AOAH: variants seen among roughly 807,000 people sequenced by gnomAD.
The protein encoded by AOAH is acyloxyacyl hydrolase, also known as acyloxyacyl hydrolase (neutrophil).
AOAH carries 64 observed loss-of-function variants against 92.2 expected under a neutral mutation model. The ratio of observed to expected loss-of-function variants is 0.69; its 90% CI spans 0.57 to 0.86. AOAH has a LOEUF of 0.86. Ranked by LOEUF, AOAH falls within the 40% of genes least tolerant of loss-of-function variation. The pLI is 0.00. For synonymous variants in AOAH, 263 were observed against 254.5 expected (o/e 1.03, Z -0.32); for missense variants, 656 against 694.6 (o/e 0.94, Z 0.62).
chr7:36,717,551 G>A (rs894874010), intron 1 of AOAH, among the ~76,000 whole-genome samples: 6 of 151,986 alleles, frequency 3.9e-5, no homozygotes, highest in Non-Finnish European at 7.4e-5. Flanking sequence ...TAAACCAGCT[G>A]GTCTGTAGGG....
At chr7:36,699,115 T>C (rs1258232306) in intron 1 of AOAH, among the ~76,000 whole-genome samples, 1 of 152,106 alleles carries the variant, frequency 6.6e-6, no homozygotes, top group African/African-American at 2.4e-5. Flanking sequence ...GTTACATCCT[T>C]GTTGCTGCAA....
chr7:36,554,777 T>C (rs1307189816), intron 13 of AOAH, among the ~76,000 whole-genome samples: 1 of 151,158 alleles, frequency 6.6e-6, no homozygotes, highest in Non-Finnish European at 1.5e-5. Flanking sequence ...ATGATTTGGC[T>C]CTCTGTTTGT....
At chr7:36,629,225 AAC>A (rs1332914284) in intron 6 of AOAH, among the ~76,000 whole-genome samples, 12 of 152,350 alleles carry the variant, frequency 7.9e-5, no homozygotes, top group Admixed American at 3.9e-4. Context: ...AAAGAAGGAA[AAC>A]ACAGTTTTTG....
chr7:36,563,073 G>C (rs13233827), intron 13 of AOAH, among the ~76,000 whole-genome samples: 1 of 133,966 alleles, frequency 7.5e-6, no homozygotes, highest in Non-Finnish European at 1.5e-5. Flanking sequence ...CTTGAAACCA[G>C]AAGGCGGAGG....
At chr7:36,686,588 G>T in intron 2 of AOAH, 111 bp downstream of exon 2, 1 of 542,776 alleles carries the variant, frequency 1.8e-6, no homozygotes, top group Non-Finnish European at 3.0e-6. Context: ...CACAGAAATA[G>T]CATAATCAGA....
intron 11 of AOAH, among the ~76,000 whole-genome samples, chr7:36,611,796 A>G (rs1791477210): frequency 6.6e-6 from 1 of 152,140 alleles, no homozygotes; most frequent in Non-Finnish European, 1.5e-5. Flanking sequence ...AATTCAACAT[A>G]CTGGTCCGCA....
At chr7:36,527,600 C>T (rs3823759) in intron 19 of AOAH, among the ~76,000 whole-genome samples, 9,919 of 152,042 alleles carry the variant, frequency 0.065, 494 homozygotes, top group East Asian at 0.18. Flanking sequence ...TGGCGGGGGA[C>T]GGCCACTAAC....
chr7:36,640,826 A>G (rs12539344), intron 4 of AOAH, among the ~76,000 whole-genome samples: 25,919 of 152,204 alleles, frequency 0.17, 2,411 homozygotes, highest in African/African-American at 0.22. Context: ...ACCCAAGGCT[A>G]GAGAAGGACC....
At chr7:36,649,636 A>G (rs6972638) in intron 4 of AOAH, among the ~76,000 whole-genome samples, 20,291 of 152,266 alleles carry the variant, frequency 0.13, 1,733 homozygotes, top group Middle Eastern at 0.19. Context: ...CTAGCCGGCA[A>G]TGGATACCCT....
chr7:36,632,250 T>C, intron 5 of AOAH, 144 bp from the exon 6 acceptor site: 1 of 683,982 alleles, frequency 1.5e-6, no homozygotes, highest in South Asian at 1.9e-5. Context: ...ATTTACCTCT[T>C]GTTCCTGTCC....
chr7:36,587,854 C>T (rs2116742652), intron 12 of AOAH, among the ~76,000 whole-genome samples: 1 of 152,226 alleles, frequency 6.6e-6, no homozygotes, highest in South Asian at 2.1e-4. Context: ...AAACTACAAG[C>T]TCATTTCATT....
chr7:36,682,499 C>T (rs1349401227), intron 2 of AOAH, among the ~76,000 whole-genome samples: 1 of 151,988 alleles, frequency 6.6e-6, no homozygotes, highest in African/African-American at 2.4e-5. Context: ...AACATCCCTA[C>T]AGATAGTAAA....
intron 2 of AOAH, among the ~76,000 whole-genome samples, chr7:36,675,505 T>C (rs951374513): frequency 6.6e-6 from 1 of 152,184 alleles, no homozygotes; most frequent in African/African-American, 2.4e-5. Context: ...AATTAAAAAC[T>C]TCCCACAAAG....
At chr7:36,650,424 A>G (rs1291882661) in intron 4 of AOAH, among the ~76,000 whole-genome samples, 1 of 152,132 alleles carries the variant, frequency 6.6e-6, no homozygotes, top group Non-Finnish European at 1.5e-5. Context: ...GCAAGTGGGG[A>G]TGCATGGTTT....
chr7:36,540,024 G>C (rs12534265), intron 16 of AOAH, among the ~76,000 whole-genome samples: 2 of 152,226 alleles, frequency 1.3e-5, no homozygotes, highest in East Asian at 3.9e-4. Flanking sequence ...GGCTTCCTCA[G>C]CTCATTTTAC....
At chr7:36,670,690 T>C (rs937665027) in intron 3 of AOAH, among the ~76,000 whole-genome samples, 10 of 152,158 alleles carry the variant, frequency 6.6e-5, no homozygotes, top group Admixed American at 6.5e-5. Context: ...TTGGCCAGGA[T>C]GCTCTCGATC....
chr7:36,587,767 GATTTT>G (rs1789453866), intron 12 of AOAH, among the ~76,000 whole-genome samples: 1 of 152,084 alleles, frequency 6.6e-6, no homozygotes, highest in African/African-American at 2.4e-5. Flanking sequence ...CAAATTTTAT[GATTTT>G]CAAACAATAC....
chr7:36,566,523 C>T (rs965362978), intron 13 of AOAH, among the ~76,000 whole-genome samples: 4 of 152,056 alleles, frequency 2.6e-5, no homozygotes, highest in African/African-American at 7.2e-5. Flanking sequence ...GCTAGTCAGA[C>T]ATGAGTGGGG....
intron 4 of AOAH, among the ~76,000 whole-genome samples, chr7:36,638,478 TC>T: frequency 6.6e-6 from 1 of 152,276 alleles, no homozygotes; most frequent in South Asian, 2.1e-4. Flanking sequence ...TCTAAGTGCA[TC>T]TTCCAAGGGT....
Sources: allele counts gnomAD v4.1 joint callset (sites outside exome capture counted in the v4.1 genomes callset), GRCh38; gene constraint gnomAD v4.1.1; transcripts MANE v1.5; gene names NCBI Gene and HGNC (gene_info 2026-07-23, HGNC 2026-07-21).